EXTL3: variants seen among roughly 807,000 people sequenced by gnomAD.
EXTL3 encodes exostosin-like 3.
In EXTL3, 27 loss-of-function variants were observed where a neutral mutation model predicts 69.3. The ratio of observed to expected loss-of-function variants is 0.39; its 90% CI spans 0.29 to 0.54. EXTL3 has a LOEUF of 0.54. EXTL3 is among the 20% of genes least tolerant of loss of function. The pLI is 0.69. For synonymous variants in EXTL3, 511 were observed against 499.4 expected (o/e 1.02, Z -0.31); for missense variants, 1,003 against 1,231.8 (o/e 0.81, Z 2.78).
intron 1 of EXTL3, chr8:28,678,265 T>G (rs1807421658): frequency 6.6e-6 from 1 of 152,066 alleles, no homozygotes; most frequent in Non-Finnish European, 1.5e-5. Flanking sequence ...CAAGGAAGAG[T>G]AAGTCAGCAG....
At chr8:28,642,303 G>A (rs1806756925) in intron 1 of EXTL3, among the ~76,000 whole-genome samples, 1 of 151,816 alleles carries the variant, frequency 6.6e-6, no homozygotes, top group Admixed American at 6.6e-5. Context: ...AAAATTAGCA[G>A]GGCATGGGGA....
chr8:28,647,916 G>A (rs904507235), intron 1 of EXTL3, among the ~76,000 whole-genome samples: 1 of 143,548 alleles, frequency 7.0e-6, no homozygotes, highest in Non-Finnish European at 1.5e-5. Context: ...CAGCCTTGGG[G>A]GGCACTAGAT....
In EXTL3 at chr8:28,751,015, G is replaced by A. The variant is rs959634130; in HGVS notation, c.*149G>A. 1.3e-5 allele frequency: 9 copies of A among 687,904 alleles called. No individual in the cohort carries two copies. Among genetic ancestry groups the A allele is most frequent in the South Asian group, 1.8e-5 (1 of 55,992 alleles). The allele number at this position is 687,904 out of a possible 1,614,324, so 42.6% of individuals were successfully genotyped here. ...GCAGCAGGAGGAGTGGAAGGAAACC[G>A]CTGCCTTTATCTTGAAGTCAGCCAC... On this transcript the variant is annotated 3_prime_UTR_variant, in exon 7 of 7. Transcript: ENST00000220562.
At chr8:28,740,388 A>T (rs182931534) in intron 5 of EXTL3, 1 of 152,386 alleles carries the variant, frequency 6.6e-6, no homozygotes, top group Middle Eastern at 3.4e-3. Context: ...GGTTTAGGCA[A>T]TTCTCCTGCC....
At chr8:28,755,600 T>C (rs1377137112), downstream of EXTL3, 2 of 152,130 alleles carry the variant, frequency 1.3e-5, no homozygotes, top group African/African-American at 2.4e-5. Flanking sequence ...AATACAAAAA[T>C]TAGCCAGGTG....
At chr8:28,695,780 T>G (rs1362250509) in intron 1 of EXTL3, among the ~76,000 whole-genome samples, 1 of 152,066 alleles carries the variant, frequency 6.6e-6, no homozygotes, top group African/African-American at 2.4e-5. Context: ...CTCCAGTGTC[T>G]TATGTGTCTA....
intron 1 of EXTL3, among the ~76,000 whole-genome samples, chr8:28,691,689 G>C (rs1002638732): frequency 2.0e-5 from 3 of 151,498 alleles, no homozygotes; most frequent in Admixed American, 1.3e-4. Flanking sequence ...CCTGAGGTCG[G>C]GAGTTCGAGA....
Position 28,716,265 on chromosome 8 carries a change from T to C in EXTL3, c.206T>C (p.Val69Ala), listed in dbSNP as rs746203687. 4 of 1,613,906 alleles carry C rather than the reference T, an allele frequency of 2.5e-6. No homozygotes were observed. The African/African-American group carries it at 5.3e-5, about 22-fold the overall frequency. Reference sequence around the variant, plus strand: ...GGCAAGCGGATTTTTGGTCCCCGGGTGGGGAACGAGCTGTGCGAGGTGAAG... The same window carrying C: ...GGCAAGCGGATTTTTGGTCCCCGGGCGGGGAACGAGCTGTGCGAGGTGAAG... Reference protein sequence around the residue: ...EAGKRIFGPRVGNELCEVKHV... With the variant: ...EAGKRIFGPRAGNELCEVKHV... Residue 69 changes from valine (V) to alanine (A), a missense_variant, in exon 3 of 7, where the codon GTG becomes GCG. This residue lies in a region of EXTL3 where 742 missense variants were observed against 815.4 expected (regional missense o/e 0.91). Coordinates refer to ENST00000220562, the MANE Select transcript of EXTL3 (RefSeq NM_001440.4). This position sits in a 1 kb window ranked among gnomAD's most constrained non-coding sequence, Gnocchi z 7.1.
rs67403576 is a variant in EXTL3, at chr8:28,625,997, C to CAAAAA, written c.-53+3211_-53+3215dup. Among the ~76,000 whole-genome samples, 8 of 41,128 alleles carry CAAAAA rather than the reference C, an allele frequency of 1.9e-4. 2 individuals are homozygous for CAAAAA. The highest frequency in any genetic ancestry group is 8.2e-4 in the Admixed American group (2 of 2,444). The allele number at this position is 41,128 out of a possible 152,430, so 27.0% of individuals were successfully genotyped here. On this transcript the variant is annotated intron_variant, in intron 1 of 6. Transcript: ENST00000523149. ...GCAATATAGTGAGACCACATTTCTC[C>CAAAAA]AAAAAAAAAAAAAAAAAAAAAAAAA...
upstream of EXTL3, among the ~76,000 whole-genome samples, chr8:28,619,626 G>A (rs1234596830): frequency 6.6e-6 from 1 of 151,922 alleles, no homozygotes; most frequent in Admixed American, 6.6e-5. Context: ...GGTGCTCCCA[G>A]ATACAGCTCC....
chr8:28,687,136 C>T (rs1311906089), intron 1 of EXTL3, among the ~76,000 whole-genome samples: 1 of 152,162 alleles, frequency 6.6e-6, no homozygotes, highest in African/African-American at 2.4e-5. Context: ...TAGACTATAA[C>T]AATGACATTC....
chr8:28,633,838 A>G (rs977999492), intron 1 of EXTL3, among the ~76,000 whole-genome samples: 6 of 152,118 alleles, frequency 3.9e-5, no homozygotes, highest in African/African-American at 1.4e-4. Context: ...CTACATGTTT[A>G]CTATGTGGCC....
chr8:28,628,871 C>G (rs1021958083), intron 1 of EXTL3, among the ~76,000 whole-genome samples: 1 of 152,106 alleles, frequency 6.6e-6, no homozygotes, highest in African/African-American at 2.4e-5. Flanking sequence ...CCAGGCTGGT[C>G]TCCAATTCCT....
At chr8:28,643,794 C>G (rs1188067892) in intron 1 of EXTL3, among the ~76,000 whole-genome samples, 2 of 152,110 alleles carry the variant, frequency 1.3e-5, no homozygotes, top group African/African-American at 4.8e-5. Context: ...GATACAGGGT[C>G]TTGCCTTGTC....
intron 1 of EXTL3, among the ~76,000 whole-genome samples, chr8:28,642,558 C>T (rs1457478631): frequency 6.6e-6 from 1 of 151,696 alleles, no homozygotes; most frequent in African/African-American, 2.4e-5. Context: ...TTCGAGGCTG[C>T]AGTGAGCTCT....
chr8:28,755,838 T>C (rs910821275), downstream of EXTL3, among the ~76,000 whole-genome samples: 1 of 152,226 alleles, frequency 6.6e-6, no homozygotes, highest in African/African-American at 2.4e-5. Flanking sequence ...TTTAAACGAC[T>C]GGTCCCACAT....
intron 1 of EXTL3, among the ~76,000 whole-genome samples, chr8:28,674,636 C>A (rs903006589): frequency 3.3e-5 from 5 of 152,214 alleles, no homozygotes; most frequent in African/African-American, 1.2e-4. Context: ...GAACTCACAG[C>A]TTTGCAGGCT....
At chr8:28,709,701 G>A (rs1032931996) in intron 1 of EXTL3, among the ~76,000 whole-genome samples, 2 of 152,228 alleles carry the variant, frequency 1.3e-5, no homozygotes, top group Non-Finnish European at 2.9e-5. Flanking sequence ...AAGGAGAAAA[G>A]TCGAGTCTGT....
chr8:28,626,463 G>T (rs1371613141), intron 1 of EXTL3, among the ~76,000 whole-genome samples: 1 of 152,030 alleles, frequency 6.6e-6, no homozygotes, highest in African/African-American at 2.4e-5. Flanking sequence ...AATGATGAGG[G>T]TGCAGCGTTG....
Sources: allele counts gnomAD v4.1 joint callset (sites outside exome capture counted in the v4.1 genomes callset), GRCh38; gene constraint gnomAD v4.1.1; regional missense constraint gnomAD v4.1.1; non-coding constraint Gnocchi (gnomAD v3.1); transcripts MANE v1.5; gene names NCBI Gene and HGNC (gene_info 2026-07-23, HGNC 2026-07-21).